Variants in DGKI observed in about 807,000 individuals in gnomAD.
DGKI encodes diacylglycerol kinase iota.
A neutral mutation model predicts 147.5 loss-of-function variants in DGKI; 55 were observed. The observed-to-expected ratio is 0.37, with a 90% CI of 0.30 to 0.47. DGKI has a LOEUF of 0.47. Ranked by LOEUF, DGKI falls within the 20% of genes least tolerant of loss-of-function variation. The probability of loss-of-function intolerance (pLI) is 1.00; values close to 1 mark genes in which losing one functional copy is unlikely to be tolerated. For synonymous variants in DGKI, 469 were observed against 477.1 expected, an observed-to-expected ratio of 0.98 and a Z score of 0.22; for missense variants, 1,007 against 1,323.8, an observed-to-expected ratio of 0.76 and a Z score of 3.71.
chr7:137,726,974 T>C (rs1406495157), intron 1 of DGKI, among the ~76,000 whole-genome samples: 1 of 152,174 alleles, frequency 6.6e-6, no homozygotes, highest in Non-Finnish European at 1.5e-5. Context: ...AGTTCTTATA[T>C]GGATCTATTT....
At chr7:137,816,133 C>CTATGTTTT (rs1484140604) in intron 1 of DGKI, among the ~76,000 whole-genome samples, 1 of 152,128 alleles carries the variant, frequency 6.6e-6, no homozygotes, top group East Asian at 1.9e-4. Flanking sequence ...TCCCGTCCAT[C>CTATGTTTT]TATGTTTTGG....
intron 3 of DGKI, among the ~76,000 whole-genome samples, chr7:137,661,742 C>G (rs1241122074): frequency 3.3e-5 from 5 of 152,178 alleles, no homozygotes; most frequent in Non-Finnish European, 1.5e-5. Flanking sequence ...AAGCCCGGTC[C>G]ACAGCAGCAT....
intron 21 of DGKI, chr7:137,513,981 G>T (rs1484585704): frequency 7.3e-6 from 5 of 685,150 alleles, no homozygotes; most frequent in Non-Finnish European, 1.3e-5. Context: ...GCAGAAACAT[G>T]GAATGCCAGA....
intron 1 of DGKI, among the ~76,000 whole-genome samples, chr7:137,811,619 T>A (rs1222635245): frequency 6.6e-6 from 1 of 152,164 alleles, no homozygotes; most frequent in Non-Finnish European, 1.5e-5. Flanking sequence ...TGGTGCAGCA[T>A]CCCCTGATTG....
intron 28 of DGKI, among the ~76,000 whole-genome samples, chr7:137,439,171 T>C (rs1472954576): frequency 6.6e-6 from 1 of 152,216 alleles, no homozygotes; most frequent in African/African-American, 2.4e-5. Flanking sequence ...ACATTTTATA[T>C]ATTTTATGAA....
In DGKI at chr7:137,697,333, C is replaced by T. The variant is rs184765047; in HGVS notation, c.402-7331G>A. Among the ~76,000 whole-genome samples the T allele has an allele frequency of 1.6e-3, 239 of 152,268 alleles. 1 individual carries two copies. The highest frequency in any genetic ancestry group is 5.1e-3 in the African/African-American group (211 of 41,544). On this transcript the variant is annotated intron_variant, in intron 1 of 32. Transcript: ENST00000614521. ...CCTTTATAAACTAATAATACTTAAA[C>T]AGAAACACATTCCCATGAAAAACAT...
intron 14 of DGKI, among the ~76,000 whole-genome samples, chr7:137,584,499 A>C (rs1819316977): frequency 6.6e-6 from 1 of 152,224 alleles, no homozygotes; most frequent in Admixed American, 6.5e-5. Context: ...AAGAAAACAT[A>C]AAGTCTGGAC....
chr7:137,739,199 T>C (rs1308517489), intron 1 of DGKI, among the ~76,000 whole-genome samples: 5 of 152,082 alleles, frequency 3.3e-5, no homozygotes, highest in African/African-American at 1.2e-4. Context: ...ATCTCTTCCT[T>C]TGCACCAAGT....
At chr7:137,752,164 A>G (rs1019044549) in intron 1 of DGKI, among the ~76,000 whole-genome samples, 1 of 152,184 alleles carries the variant, frequency 6.6e-6, no homozygotes, top group Non-Finnish European at 1.5e-5. Flanking sequence ...TGGATAATAA[A>G]AGTTGTGGGG....
chr7:137,616,063 T>C (rs1820520166), intron 8 of DGKI, among the ~76,000 whole-genome samples: 1 of 152,076 alleles, frequency 6.6e-6, no homozygotes, highest in African/African-American at 2.4e-5. Context: ...ACTAAAATTT[T>C]TAAAACATCT....
intron 1 of DGKI, among the ~76,000 whole-genome samples, chr7:137,836,293 T>C (rs1445809743): frequency 6.6e-6 from 1 of 152,210 alleles, no homozygotes; most frequent in Admixed American, 6.5e-5. Flanking sequence ...AAAGAATGAC[T>C]CAGGTTTTCA....
intron 20 of DGKI, among the ~76,000 whole-genome samples, chr7:137,524,822 A>G (rs1817085558): frequency 6.6e-6 from 1 of 152,148 alleles, no homozygotes; most frequent in African/African-American, 2.4e-5. Flanking sequence ...GGCTGGAGGT[A>G]TCAGGACTAA....
intron 12 of DGKI, among the ~76,000 whole-genome samples, chr7:137,590,627 C>G (rs1819574696): frequency 6.6e-6 from 1 of 152,172 alleles, no homozygotes; most frequent in Admixed American, 6.5e-5. Context: ...CCATGGAACA[C>G]AAACAATTTC....
chr7:137,642,973 T>TGG (rs1355381508), intron 6 of DGKI, among the ~76,000 whole-genome samples: 1 of 145,734 alleles, frequency 6.9e-6, no homozygotes, highest in African/African-American at 2.6e-5. Flanking sequence ...TGTGTGTGTA[T>TGG]GGGGGATGGA....
intron 1 of DGKI, among the ~76,000 whole-genome samples, chr7:137,778,512 A>C (rs1052037668): frequency 6.6e-6 from 1 of 152,138 alleles, no homozygotes; most frequent in Non-Finnish European, 1.5e-5. Flanking sequence ...AGGAGGCAAG[A>C]AGGAGGTGCT....
chr7:137,381,284 TCCCACCCCCCCCCC>T lies in DGKI; in HGVS notation c.*9922_*9935del, dbSNP rs1811053373. ...AAAAACTTCATTCTTCCCTTTCCCA[TCCCACCCCCCCCCC>T]CCCACCCACCCTCCCTCCACTTCGT... On this transcript the variant is annotated 3_prime_UTR_variant, in exon 33 of 33. Coordinates refer to ENST00000614521, the MANE Select transcript of DGKI (RefSeq NM_001321708.2). 1 of 2,380 alleles carries T rather than the reference TCCCACCCCCCCCCC, an allele frequency of 4.2e-4. No individual in the cohort carries two copies. Among genetic ancestry groups the T allele is most frequent in the African/African-American group, 1.6e-3 (1 of 612 alleles). 0.1% of individuals were successfully genotyped at this position (2,380 alleles called of 1,614,324 possible).
chr7:137,593,551 C>T (rs1248363315), intron 12 of DGKI, among the ~76,000 whole-genome samples: 1 of 152,182 alleles, frequency 6.6e-6, no homozygotes, highest in Non-Finnish European at 1.5e-5. Context: ...AAGCCAGTAA[C>T]AAAGAGACTA....
At chr7:137,392,796 T>C (rs908202242) in intron 32 of DGKI, among the ~76,000 whole-genome samples, 8 of 152,184 alleles carry the variant, frequency 5.3e-5, no homozygotes, top group African/African-American at 1.7e-4. Context: ...TTTGAGGTGA[T>C]TTCTGAGGAA....
At chr7:137,428,073 C>G (rs996381092) in intron 28 of DGKI, among the ~76,000 whole-genome samples, 1 of 147,988 alleles carries the variant, frequency 6.8e-6, no homozygotes, top group African/African-American at 2.5e-5. Flanking sequence ...CATCCTGATA[C>G]CAAAGCCGGG....
Sources: allele counts gnomAD v4.1 joint callset (sites outside exome capture counted in the v4.1 genomes callset), GRCh38; gene constraint gnomAD v4.1.1; transcripts MANE v1.5; gene names NCBI Gene and HGNC (gene_info 2026-07-23, HGNC 2026-07-21).